The following WDR19 variants were observed in gnomAD, a reference collection of about 807,000 sequenced individuals.
WDR19 encodes WD repeat-containing protein 19.
A neutral mutation model predicts 180.0 loss-of-function variants in WDR19; 121 were observed. That is an observed-to-expected ratio of 0.67 (90% CI 0.58 to 0.78). The LOEUF (loss-of-function observed/expected upper bound fraction) is 0.78, where lower values mean the gene tolerates loss of function less well. Ranked by LOEUF, WDR19 falls within the 30% of genes least tolerant of loss-of-function variation. The pLI, the probability that WDR19 is intolerant of heterozygous loss-of-function variation, is 0.00. For synonymous variants in WDR19, 497 were observed against 540.7 expected (o/e 0.92, Z 1.12); for missense variants, 1,450 against 1,640.7 (o/e 0.88, Z 2.01).
chr4:39,248,508 A>G (rs1225797710), intron 24 of WDR19, among the ~76,000 whole-genome samples: 2 of 152,216 alleles, frequency 1.3e-5, no homozygotes, highest in African/African-American at 4.8e-5. Context: ...AACAATACTA[A>G]TCTTAAATAT....
intron 33 of WDR19, chr4:39,275,338 TCAA>T: frequency 1.3e-5 from 2 of 156,408 alleles, no homozygotes; most frequent in Non-Finnish European, 1.3e-5. Flanking sequence ...AGACCCCATC[TCAA>T]AAAAAAAAAA....
rs533275002 is a variant in WDR19 at position 39,185,904 on chromosome 4, T to G, written c.98+87T>G. 322 of 1,164,860 alleles carry G rather than the reference T, an allele frequency of 2.8e-4. 1 individual carries two copies. In the African/African-American group the frequency reaches 4.7e-3, roughly 17 times the overall value. The allele number at this position is 1,164,860 out of a possible 1,614,324, so 72.2% of individuals were successfully genotyped here. ...CAGTAGAAGTTTTTTTTGTTGTTGT[T>G]TTTTTTTTTTAAATGGAGTCTAGCT... On this transcript the variant is annotated intron_variant, in intron 2 of 36. Transcript: ENST00000399820.
chr4:39,245,919 C>T (rs1313053783), intron 24 of WDR19, among the ~76,000 whole-genome samples: 1 of 152,132 alleles, frequency 6.6e-6, no homozygotes, highest in Non-Finnish European at 1.5e-5. Flanking sequence ...ATGTATAACT[C>T]TATTGTAATA....
intron 4 of WDR19, among the ~76,000 whole-genome samples, chr4:39,192,472 G>A (rs1221017508): frequency 6.6e-6 from 1 of 151,842 alleles, no homozygotes; most frequent in African/African-American, 2.4e-5. Flanking sequence ...TTTTTTGTTT[G>A]TTTGTTTGTT....
intron 32 of WDR19, chr4:39,274,575 G>A: frequency 2.0e-6 from 1 of 511,472 alleles, no homozygotes; most frequent in South Asian, 3.0e-5. Context: ...GCAGGTCCTA[G>A]TGTTACAAGG....
At chr4:39,232,913 A>G (rs905990132) in intron 19 of WDR19, among the ~76,000 whole-genome samples, 1 of 152,212 alleles carries the variant, frequency 6.6e-6, no homozygotes, top group Non-Finnish European at 1.5e-5. Flanking sequence ...GAGGTATAAA[A>G]TGCATGGTAT....
At chr4:39,236,269 TGTG>T (rs1320419954) in intron 20 of WDR19, among the ~76,000 whole-genome samples, 2 of 151,990 alleles carry the variant, frequency 1.3e-5, no homozygotes, top group East Asian at 3.9e-4. Context: ...AGAAAGAAAA[TGTG>T]GTATACACAC....
At chr4:39,233,492 G>C (rs1017746816) in intron 19 of WDR19, among the ~76,000 whole-genome samples, 1 of 152,158 alleles carries the variant, frequency 6.6e-6, no homozygotes, top group Non-Finnish European at 1.5e-5. Flanking sequence ...AGGTCTTTTA[G>C]CACAGTGCCT....
chr4:39,232,379 C>T, intron 19 of WDR19, 107 bp downstream of exon 19: 1 of 876,986 alleles, frequency 1.1e-6, no homozygotes, highest in Non-Finnish European at 1.8e-6. Context: ...AATTCCAGCA[C>T]TTTGGGAGGC....
At chr4:39,186,680 T>A (rs1238697564) in intron 3 of WDR19, 76 bp downstream of exon 3, 19 of 1,001,604 alleles carry the variant, frequency 1.9e-5, no homozygotes, top group Non-Finnish European at 1.9e-5. Context: ...TGCCTTAAAA[T>A]TATAATCAGA....
chr4:39,270,219 T>G, intron 31 of WDR19, 119 bp downstream of exon 31: 1 of 1,353,878 alleles, frequency 7.4e-7, no homozygotes, highest in Non-Finnish European at 1.0e-6. Flanking sequence ...TATTGTTAAG[T>G]AACAAAACAA....
At chr4:39,217,862 A>T in intron 13 of WDR19, 121 bp from the exon 14 acceptor site, 1 of 1,255,318 alleles carries the variant, frequency 8.0e-7, no homozygotes, top group Non-Finnish European at 1.1e-6. Context: ...AACTAAACTG[A>T]CCTCTCGTAG....
Position 39,253,325 on chromosome 4 carries a change from A to T in WDR19, c.2876+33A>T, listed in dbSNP as rs537100270. The T allele has an allele frequency of 3.5e-5, 55 of 1,583,986 alleles. No homozygotes were observed. In the African/African-American group the frequency reaches 5.4e-4, roughly 16 times the overall value. ...AATACATTAATATTTTTGGACTTTC[A>T]AAAACTAACCATAAAAGTAAGCCTC... On this transcript the variant is annotated intron_variant, in intron 25 of 36. Coordinates refer to ENST00000399820, the MANE Select transcript of WDR19 (RefSeq NM_025132.4).
At chr4:39,221,505 T>C (rs1403710124) in intron 14 of WDR19, among the ~76,000 whole-genome samples, 1 of 152,202 alleles carries the variant, frequency 6.6e-6, no homozygotes, top group Non-Finnish European at 1.5e-5. Context: ...TGCAAAAAAA[T>C]GCACTATTAA....
chr4:39,283,635 T>C (rs552343599), intron 36 of WDR19, among the ~76,000 whole-genome samples: 183 of 152,286 alleles, frequency 1.2e-3, no homozygotes, highest in African/African-American at 4.2e-3. Context: ...ATGTACACAT[T>C]ATAAATCCTG....
intron 33 of WDR19, among the ~76,000 whole-genome samples, chr4:39,276,450 T>G (rs1052991503): frequency 6.6e-6 from 1 of 152,176 alleles, no homozygotes; most frequent in Admixed American, 6.5e-5. Context: ...ACAAATGGTT[T>G]ATAGCTATGT....
At chr4:39,230,740 G>A (rs1730754845) in intron 17 of WDR19, among the ~76,000 whole-genome samples, 1 of 152,168 alleles carries the variant, frequency 6.6e-6, no homozygotes, top group South Asian at 2.1e-4. Context: ...TTCCAAGCAT[G>A]TAACGAGTTC....
chr4:39,271,839 A>G (rs1305186875), intron 31 of WDR19, among the ~76,000 whole-genome samples: 1 of 152,226 alleles, frequency 6.6e-6, no homozygotes, highest in East Asian at 1.9e-4. Flanking sequence ...GAACTATTCT[A>G]TACTGTACTG....
intron 14 of WDR19, among the ~76,000 whole-genome samples, chr4:39,220,047 C>G (rs913142196): frequency 4.0e-5 from 6 of 151,888 alleles, no homozygotes; most frequent in African/African-American, 1.5e-4. Flanking sequence ...GGCGACACCC[C>G]CATCTCTAAT....
Sources: gnomAD v4.1 joint callset for allele counts (sites outside exome capture counted in the v4.1 genomes callset) on GRCh38, gnomAD v4.1.1 for gene constraint, MANE v1.5 for transcripts, NCBI Gene and HGNC (gene_info 2026-07-23, HGNC 2026-07-21) for gene names.